Variants in TREH observed in about 807,000 individuals in gnomAD.
The protein encoded by TREH is alpha,alpha-trehalose glucohydrolase.
TREH carries 69 observed loss-of-function variants against 80.5 expected under a neutral mutation model. The observed-to-expected ratio is 0.86, with a 90% CI of 0.71 to 1.05. The LOEUF is 1.05. TREH is among the 50% of genes least tolerant of loss of function. TREH has a pLI of 0.00. For synonymous variants in TREH, 309 were observed against 293.5 expected, an observed-to-expected ratio of 1.05 and a Z score of -0.54; for missense variants, 716 against 718.8, an observed-to-expected ratio of 1.00 and a Z score of 0.04.
intron 1 of TREH, among the ~76,000 whole-genome samples, chr11:118,667,147 G>T (rs527730353): frequency 6.6e-6 from 1 of 152,202 alleles, no homozygotes; most frequent in East Asian, 1.9e-4. Flanking sequence ...CTCCCAAAGT[G>T]CTGGGATTAC....
At chr11:118,672,417 A>G (rs1156428498) in intron 1 of TREH, among the ~76,000 whole-genome samples, 2 of 147,326 alleles carry the variant, frequency 1.4e-5, no homozygotes, top group Non-Finnish European at 3.0e-5. Flanking sequence ...AAGAAAAAAA[A>G]AGTTAATGAT....
intron 10 of TREH, 63 bp from the exon 11 acceptor site, chr11:118,660,027 C>T (rs1334376462): frequency 8.8e-6 from 13 of 1,471,412 alleles, no homozygotes; most frequent in Middle Eastern, 1.8e-4. Context: ...AGGCTTTTTT[C>T]GTGGTTCTAC....
intron 1 of TREH, among the ~76,000 whole-genome samples, chr11:118,676,478 A>G (rs1555146840): frequency 1.3e-5 from 2 of 151,982 alleles, no homozygotes; most frequent in Non-Finnish European, 2.9e-5. Context: ...TGTCTCAAAA[A>G]GCAATCAGGC....
rs1949412514 is a variant in TREH at position 118,669,648 on chromosome 11, CA to C, written c.90-6210del. Among the ~76,000 whole-genome samples, 3 of 152,086 alleles carry C rather than the reference CA, an allele frequency of 2.0e-5. No homozygotes were observed. The South Asian group carries it at 6.2e-4, about 31-fold the overall frequency. On this transcript the variant is annotated intron_variant, in intron 1 of 14. Transcript: ENST00000264029. ...TATTTGTGGGAGCTTAAAATTAAAA[CA>C]ATTGAACTCATGGAGATAGAGAGTA...
intron 1 of TREH, among the ~76,000 whole-genome samples, chr11:118,678,421 T>G (rs1949501282): frequency 6.6e-6 from 1 of 152,142 alleles, no homozygotes; most frequent in African/African-American, 2.4e-5. Context: ...TGGAGTGCAA[T>G]GGCATGATCT....
chr11:118,662,939 G>A lies in TREH; in HGVS notation c.365C>T (p.Ala122Val), dbSNP rs180675659. 1.2e-4 allele frequency: 191 copies of A among 1,611,970 alleles called. No individual in the cohort carries two copies. The African/African-American group carries it at 2.4e-3, about 20-fold the overall frequency. ...CTGCCCTGCCCAGGCACGCAGTTTG[G>A]CATCTGAAATCTTCTGCAGGAACTG... ...SPQFLQKISD[A>V]KLRAWAGQLH... Residue 122 changes from alanine to valine, a missense_variant, in exon 4 of 15, where the codon GCC becomes GTC. Ala to Val is a moderately conservative substitution (Grantham distance 64). Coordinates refer to ENST00000264029, the MANE Select transcript of TREH (RefSeq NM_007180.3).
At chr11:118,664,746 C>A (rs147469655) in intron 1 of TREH, among the ~76,000 whole-genome samples, 1 of 152,032 alleles carries the variant, frequency 6.6e-6, no homozygotes, top group South Asian at 2.1e-4. Context: ...AAAAGAGAGT[C>A]GAAACATTTG....
Position 118,658,060 on chromosome 11 carries a change from T to A in TREH, c.*229A>T. On this transcript the variant is annotated 3_prime_UTR_variant, in exon 15 of 15. Transcript: ENST00000264029. ...GGAAGGCCGGTGTGGGGCTTGGCGC[T>A]GAGGCACTTGGGGATAGGTCTTCCC... 3.4e-6 allele frequency: 2 copies of A among 584,492 alleles called. No homozygotes were observed. Among genetic ancestry groups the A allele is most frequent in the Non-Finnish European group, 6.0e-6 (2 of 335,942 alleles). 36.2% of individuals were successfully genotyped at this position (584,492 alleles called of 1,614,324 possible).
At chr11:118,677,138 G>A (rs903635920) in intron 1 of TREH, among the ~76,000 whole-genome samples, 3 of 152,224 alleles carry the variant, frequency 2.0e-5, no homozygotes, top group South Asian at 2.1e-4. Flanking sequence ...GCCTTTGGCC[G>A]CCCAGTATCA....
intron 1 of TREH, among the ~76,000 whole-genome samples, chr11:118,675,608 A>C (rs1949470591): frequency 6.6e-6 from 1 of 152,146 alleles, no homozygotes; most frequent in South Asian, 2.1e-4. Context: ...GGGGGCCCTG[A>C]ATGTAGAGCT....
At chr11:118,677,598 G>A (rs1949491956) in intron 1 of TREH, among the ~76,000 whole-genome samples, 1 of 152,168 alleles carries the variant, frequency 6.6e-6, no homozygotes, top group Non-Finnish European at 1.5e-5. Context: ...GGTGGCAGGT[G>A]CCTGTAGTCC....
rs1286236954 is a variant in TREH, at chr11:118,658,157, G to A, written c.*132C>T. The A allele has an allele frequency of 1.5e-5, 20 of 1,297,950 alleles. No homozygotes were observed. The highest frequency in any genetic ancestry group is 3.0e-5 in the African/African-American group (2 of 67,084). The allele number at this position is 1,297,950 out of a possible 1,614,324, so 80.4% of individuals were successfully genotyped here. On this transcript the variant is annotated 3_prime_UTR_variant, in exon 15 of 15. Coordinates refer to ENST00000264029, the MANE Select transcript of TREH (RefSeq NM_007180.3). ...GGCCCCTACCCATGACCTCCAGGTC[G>A]TGACCCTGCCCTCCACTTCGCTCTG...
intron 1 of TREH, among the ~76,000 whole-genome samples, chr11:118,672,291 A>G (rs906629646): frequency 4.6e-5 from 7 of 151,978 alleles, no homozygotes; most frequent in Non-Finnish European, 1.5e-5. Flanking sequence ...CCAGGTACTG[A>G]GGAGGCTGAG....
chr11:118,672,580 G>A (rs1258480900), intron 1 of TREH, among the ~76,000 whole-genome samples: 1 of 151,476 alleles, frequency 6.6e-6, no homozygotes, highest in Non-Finnish European at 1.5e-5. Context: ...GCGTGGTGGT[G>A]CATGCCTGTA....
At position 118,679,577 on chromosome 11, in the gene TREH, T is replaced by C. The variant is rs1297721294; in HGVS notation, c.51A>G (p.Gly17=). The C allele has an allele frequency of 3.9e-6, 6 of 1,552,812 alleles. No homozygotes were observed. The highest frequency in any genetic ancestry group is 2.4e-5 in the East Asian group (1 of 42,184). ...GGGGTAGGGCCTCCTGGGACCCCAGTCCCAGCCCCAGCAGCAGTAGCAGGC... is the reference window on the plus strand; with the variant it reads ...GGGGTAGGGCCTCCTGGGACCCCAGCCCCAGCCCCAGCAGCAGTAGCAGGC... The part of the protein sequence containing the change: ...ELCLLLLLGL[G]LGSQEALPPP... Residue 17 remains glycine, a synonymous_variant, in exon 1 of 15, where the codon GGA becomes GGG. Coordinates refer to ENST00000264029, the MANE Select transcript of TREH (RefSeq NM_007180.3).
At chr11:118,659,145 G>A in intron 12 of TREH, 128 bp from the exon 13 acceptor site, 1 of 1,039,746 alleles carries the variant, frequency 9.6e-7, no homozygotes, top group Admixed American at 2.3e-5. Flanking sequence ...GAGACCACAG[G>A]CCAAACTGCC....
In TREH at chr11:118,659,351, G is replaced by T; in HGVS notation, c.1432+19C>A. The T allele has an allele frequency of 6.5e-7, 1 of 1,527,780 alleles. No homozygotes were observed. The highest frequency in any genetic ancestry group is 2.1e-5 in the Admixed American group (1 of 48,546). 94.6% of individuals were successfully genotyped at this position (1,527,780 alleles called of 1,614,324 possible). On this transcript the variant is annotated intron_variant, in intron 12 of 14. Coordinates refer to ENST00000264029, the MANE Select transcript of TREH (RefSeq NM_007180.3). ...CACCCTGGGAAGGGTCCTTGGCTGT[G>T]TCAGCCCTGCCTCCCTACCTCTGAT...
chr11:118,663,139 C>G lies in TREH; in HGVS notation c.248G>C (p.Arg83Thr). The G allele has an allele frequency of 6.2e-7, 1 of 1,613,906 alleles. No homozygotes were observed. Among genetic ancestry groups the G allele is most frequent in the South Asian group, 1.1e-5 (1 of 91,066 alleles). ...LSRDHNHSIP[R>T]EQLQAFVHEH... The stretch of plus-strand genomic sequence containing the variant: ...GTGGACAAACGCCTGCAGCTGCTCC[C>G]TGGGGATGCTGTGATTGTGGTCCCT... The change falls in exon 3 of 15, where the codon AGG becomes ACG. Residue 83 changes from arginine (R) to threonine (T), a missense_variant. By Grantham distance (71) the Arg-to-Thr change is moderately conservative. Transcript: ENST00000264029.
At chr11:118,662,755 G>T in intron 4 of TREH, 126 bp downstream of exon 4, 1 of 1,086,614 alleles carries the variant, frequency 9.2e-7, no homozygotes, top group South Asian at 1.5e-5. Context: ...TGGGGACCCA[G>T]GGGCCAGGGA....
Sources: gnomAD v4.1 joint callset for allele counts (sites outside exome capture counted in the v4.1 genomes callset) on GRCh38, gnomAD v4.1.1 for gene constraint, MANE v1.5 for transcripts, NCBI Gene and HGNC (gene_info 2026-07-23, HGNC 2026-07-21) for gene names.